The following WDR4 variants were observed in gnomAD, a reference collection of about 807,000 sequenced individuals.
WDR4 encodes WDR4 tRNA N7-guanosine methyltransferase non-catalytic subunit.
Under a neutral mutation model 48.6 loss-of-function variants are expected in WDR4, and 47 were observed. That is an observed-to-expected ratio of 0.97 (90% confidence interval 0.77 to 1.23). The LOEUF (loss-of-function observed/expected upper bound fraction) is 1.23, where lower values mean the gene tolerates loss of function less well. Among genes scored for constraint, WDR4 ranks in the 50% most tolerant of loss-of-function variants. The pLI, the probability that WDR4 is intolerant of heterozygous loss-of-function variation, is 0.00. For synonymous variants in WDR4, 268 were observed against 230.0 expected (o/e 1.17, Z -1.49); for missense variants, 606 against 551.6 (o/e 1.10, Z -0.99).
upstream of WDR4, among the ~76,000 whole-genome samples, chr21:42,881,898 G>A (rs975418532): frequency 2.6e-5 from 4 of 152,138 alleles, no homozygotes; most frequent in East Asian, 5.8e-4. Context: ...TCTGCCTCCC[G>A]GGTTCAAGCG....
downstream of WDR4, among the ~76,000 whole-genome samples, chr21:42,845,253 G>C (rs895973840): frequency 6.6e-6 from 1 of 152,238 alleles, no homozygotes; most frequent in African/African-American, 2.4e-5. Flanking sequence ...ACAAAATCTG[G>C]AGGAAAACCC....
upstream of WDR4, among the ~76,000 whole-genome samples, chr21:42,883,331 T>TA (rs2058620682): frequency 7.7e-6 from 1 of 129,332 alleles, no homozygotes; most frequent in South Asian, 2.4e-4. Context: ...TTTTTTTTTT[T>TA]ACAAACTGGC....
intron 3 of WDR4, among the ~76,000 whole-genome samples, chr21:42,870,245 G>A (rs2058341480): frequency 6.6e-6 from 1 of 152,170 alleles, no homozygotes; most frequent in Non-Finnish European, 1.5e-5. Flanking sequence ...CAGCTGCTCG[G>A]GAGGCGGAGG....
At position 42,855,747 on chromosome 21, in the gene WDR4, C is replaced by T. The variant is rs369193067; in HGVS notation, c.661G>A (p.Gly221Ser). Residue 221 changes from glycine (G) to serine (S), a missense_variant, in exon 7 of 11, where the codon GGC becomes AGC. Coordinates refer to ENST00000398208, the MANE Select transcript of WDR4 (RefSeq NM_018669.6). ...AGGTGACAGCAGTGCAGCTGGCGGC[C>T]GCTCCTGTACTCCCAGAGCCTCAGG... is the stretch of plus-strand genomic sequence containing the variant. ...GTLRLWEYRS[G>S]RQLHCCHLAS... The T allele has an allele frequency of 5.2e-6, 8 of 1,553,076 alleles. No individual in the cohort carries two copies. Among genetic ancestry groups the T allele is most frequent in the South Asian group, 1.2e-5 (1 of 84,200 alleles).
chr21:42,865,526 C>T (rs898716463), intron 3 of WDR4, among the ~76,000 whole-genome samples: 3 of 152,146 alleles, frequency 2.0e-5, no homozygotes, highest in South Asian at 2.1e-4. Flanking sequence ...GGCACTGCTC[C>T]GCGTCCCTTT....
intron 3 of WDR4, among the ~76,000 whole-genome samples, chr21:42,873,193 T>C (rs1236309110): frequency 1.3e-5 from 2 of 152,186 alleles, no homozygotes; most frequent in Non-Finnish European, 2.9e-5. Context: ...ACAGCCTTGT[T>C]CCTGCTAATC....
rs971664762 is a variant in WDR4 at position 42,862,938 on chromosome 21, C to T, written c.453+502G>A. Among the ~76,000 whole-genome samples the T allele has an allele frequency of 6.6e-6, 1 of 152,154 alleles. No homozygotes were observed. The highest frequency in any genetic ancestry group is 1.5e-5 in the Non-Finnish European group (1 of 68,018). On this transcript the variant is annotated intron_variant, in intron 4 of 10. Transcript: ENST00000398208. The surrounding 1 kb of genome is among the most constrained non-coding windows in gnomAD (Gnocchi z 4.3). Reference sequence around the variant, plus strand: ...GCTCCAGGTGTGTGTCTGTGACACACGGGGCACACAGAGTGGGGTGACAGG... The same window carrying T: ...GCTCCAGGTGTGTGTCTGTGACACATGGGGCACACAGAGTGGGGTGACAGG...
In WDR4 at chr21:42,873,609, C is replaced by A; in HGVS notation, c.238G>T (p.Asp80Tyr). 2 of 1,614,172 alleles carry A rather than the reference C, an allele frequency of 1.2e-6. No homozygotes were observed. The highest frequency in any genetic ancestry group is 1.7e-6 in the Non-Finnish European group (2 of 1,180,030). Residue 80 changes from aspartate (D) to tyrosine (Y), a missense_variant, in exon 3 of 11, where the codon GAT (aspartate) becomes TAT (tyrosine). Asp to Tyr is a radical substitution (Grantham distance 160, BLOSUM62 -3). Coordinates refer to ENST00000398208, the MANE Select transcript of WDR4 (RefSeq NM_018669.6). ...AAAAGAATCAGACGCTTACTGTCAT[C>A]GGTTAAAGCAAAATAGCTGCCAGAC... ...SKSGSYFALT[D>Y]DSKRLILFRT...
intron 3 of WDR4, among the ~76,000 whole-genome samples, chr21:42,872,295 G>A (rs1283082504): frequency 1.3e-5 from 2 of 151,902 alleles, no homozygotes; most frequent in Non-Finnish European, 2.9e-5. Flanking sequence ...AGCTGAATTT[G>A]GGTTTTTACT....
At chr21:42,870,125 C>T (rs1601165901) in intron 3 of WDR4, among the ~76,000 whole-genome samples, 1 of 151,284 alleles carries the variant, frequency 6.6e-6, no homozygotes, top group African/African-American at 2.4e-5. Flanking sequence ...CCAAGGTCAG[C>T]GGATCACCTG....
chr21:42,880,812 GT>G (rs891213838), upstream of WDR4, among the ~76,000 whole-genome samples: 13 of 152,070 alleles, frequency 8.5e-5, no homozygotes, highest in Admixed American at 8.5e-4. Context: ...ACTCTAAACT[GT>G]TCTGTCCACA....
At chr21:42,883,446 G>C (rs538067143), upstream of WDR4, among the ~76,000 whole-genome samples, 2 of 152,022 alleles carry the variant, frequency 1.3e-5, no homozygotes, top group Admixed American at 1.3e-4. Context: ...GTAGTGGGTT[G>C]AAAGGTGGCC....
At chr21:42,885,048 T>G in the WDR4 span, among the ~76,000 whole-genome samples, 5 of 152,126 alleles carry the variant, frequency 3.3e-5, no homozygotes, top group African/African-American at 1.2e-4. Flanking sequence ...ATTGCTGGGA[T>G]TACAGGCGTG....
chr21:42,844,096 G>C (rs2057689779), intron 11 of WDR4, among the ~76,000 whole-genome samples: 1 of 152,198 alleles, frequency 6.6e-6, no homozygotes, highest in African/African-American at 2.4e-5. Flanking sequence ...AGATCAGTGG[G>C]CTTGAAGACG....
At chr21:42,879,269 G>A (rs1419480351) in intron 1 of WDR4, 138 bp downstream of exon 1, 4 of 1,380,658 alleles carry the variant, frequency 2.9e-6, no homozygotes, top group South Asian at 1.6e-5. Context: ...TGCGGCGGAG[G>A]ACTCGTGGGC....
chr21:42,855,325 A>G (rs1024484032), intron 7 of WDR4, among the ~76,000 whole-genome samples: 1 of 152,132 alleles, frequency 6.6e-6, no homozygotes, highest in African/African-American at 2.4e-5. Flanking sequence ...TCAGGGTGTC[A>G]TGAGATTGCT....
chr21:42,855,599 G>A (rs2057966295), intron 7 of WDR4, 83 bp downstream of exon 7: 2 of 1,081,546 alleles, frequency 1.8e-6, no homozygotes, highest in Non-Finnish European at 2.6e-6. Context: ...GTTTCCAACG[G>A]CGAAGTGACT....
chr21:42,863,555 G>T lies in WDR4; in HGVS notation c.338C>A (p.Ser113Ter). ...GTCGGCCACCAAGACCTTCTCCTCC[G>T]AGGCTATGAAAGTCAGGGCTGTACA... ...RRCTALTFIA[S>*]EEKVLVADKS... The change falls in exon 4 of 11, where the codon TCG becomes TAG. Residue 113 changes from serine to a stop codon, truncating the protein, a stop_gained. Coordinates refer to ENST00000398208, the MANE Select transcript of WDR4 (RefSeq NM_018669.6). LOFTEE classifies it high-confidence loss of function. 1 of 1,613,868 alleles carries T rather than the reference G, an allele frequency of 6.2e-7. No individual in the cohort carries two copies. The highest frequency in any genetic ancestry group is 8.5e-7 in the Non-Finnish European group (1 of 1,179,976).
At chr21:42,843,449 C>A in intron 11 of WDR4, among the ~76,000 whole-genome samples, 1 of 141,862 alleles carries the variant, frequency 7.0e-6, no homozygotes. Flanking sequence ...GTCACTCTGT[C>A]ACCCAGGCTG....
Sources: allele counts gnomAD v4.1 joint callset (sites outside exome capture counted in the v4.1 genomes callset), GRCh38; gene constraint gnomAD v4.1.1; non-coding constraint Gnocchi (gnomAD v3.1); transcripts MANE v1.5; gene names NCBI Gene and HGNC (gene_info 2026-07-23, HGNC 2026-07-21).